PDYN: variants seen among roughly 807,000 people sequenced by gnomAD.
PDYN encodes the protein proenkephalin-B.
In PDYN, 5 loss-of-function variants were observed where a neutral mutation model predicts 11.4. The ratio of observed to expected loss-of-function variants is 0.44; its 90% CI spans 0.23 to 0.92. PDYN has a LOEUF of 0.92. PDYN is among the 40% of genes least tolerant of loss of function. The pLI is 0.24. For synonymous variants in PDYN, 132 were observed against 129.5 expected, an observed-to-expected ratio of 1.02 and a Z score of -0.13; for missense variants, 337 against 317.3, an observed-to-expected ratio of 1.06 and a Z score of -0.47.
chr20:1,982,506 A>G (rs1480831271), intron 3 of PDYN, among the ~76,000 whole-genome samples: 1 of 152,126 alleles, frequency 6.6e-6, no homozygotes, highest in Non-Finnish European at 1.5e-5. Flanking sequence ...AAGAGGTGCT[A>G]AGGCCCAGGA....
chr20:1,983,271 A>G (rs2122341218), intron 2 of PDYN, among the ~76,000 whole-genome samples, 168 bp from the exon 3 acceptor site: 1 of 152,308 alleles, frequency 6.6e-6, no homozygotes, highest in East Asian at 1.9e-4. Context: ...GCAGAGGCCC[A>G]AAGCCAAGGG....
At chr20:1,980,991 A>C (rs1987741177) in intron 3 of PDYN, 33 bp from the exon 4 acceptor site, 2 of 1,612,414 alleles carry the variant, frequency 1.2e-6, no homozygotes, top group African/African-American at 2.7e-5. Context: ...ACAGTGGCAA[A>C]TGATCAAAAC....
At position 1,980,878 on chromosome 20, in the gene PDYN, G is replaced by A. The variant is rs554270168; in HGVS notation, c.210C>T (p.Thr70=). The change falls in exon 4 of 4, where the codon ACC becomes ACT. Residue 70 remains threonine (T), a synonymous_variant. Transcript: ENST00000217305. ...TGTCATTGAGCCCAAGGGTGGAGGG[G>A]GTGAAAAAAGACAGAAAGCTCTGGC... ...ERCQSFLSFF[T]PSTLGLNDKE... 3.7e-6 allele frequency: 6 copies of A among 1,614,106 alleles called. No individual in the cohort carries two copies. The highest frequency in any genetic ancestry group is 1.1e-5 in the South Asian group (1 of 91,076).
intron 2 of PDYN, among the ~76,000 whole-genome samples, chr20:1,985,191 G>A (rs987624419): frequency 8.6e-5 from 13 of 152,008 alleles, no homozygotes; most frequent in Admixed American, 7.2e-4. Flanking sequence ...TCCACTCCAC[G>A]GGCCCCAGAA....
At chr20:1,987,988 C>CA (rs1036947682) in intron 2 of PDYN, among the ~76,000 whole-genome samples, 4 of 152,132 alleles carry the variant, frequency 2.6e-5, no homozygotes, top group African/African-American at 9.7e-5. Flanking sequence ...ACTGCAGAAA[C>CA]AAAAAATGCT....
chr20:1,985,360 A>G (rs1444906907), intron 2 of PDYN, among the ~76,000 whole-genome samples: 4 of 151,524 alleles, frequency 2.6e-5, no homozygotes, highest in African/African-American at 9.7e-5. Flanking sequence ...GGAAGCGGGC[A>G]CTTCTGGTCT....
chr20:1,986,759 A>G (rs1487697207), intron 2 of PDYN, among the ~76,000 whole-genome samples: 2 of 152,248 alleles, frequency 1.3e-5, no homozygotes, highest in African/African-American at 4.8e-5. Context: ...AGTTCTGCCC[A>G]TCCTGGGCTT....
chr20:1,990,593 G>A (rs1022457943), intron 2 of PDYN, among the ~76,000 whole-genome samples: 4 of 152,170 alleles, frequency 2.6e-5, no homozygotes, highest in African/African-American at 4.8e-5. Flanking sequence ...TTTGGTGGTC[G>A]GCTGCATTTG....
chr20:1,982,356 G>A (rs1211830180), intron 3 of PDYN, among the ~76,000 whole-genome samples: 1 of 152,212 alleles, frequency 6.6e-6, no homozygotes, highest in Non-Finnish European at 1.5e-5. Context: ...GGAGTTCCAA[G>A]GTCATGGAGC....
intron 2 of PDYN, among the ~76,000 whole-genome samples, chr20:1,985,400 G>T (rs1377519140): frequency 6.6e-6 from 1 of 152,084 alleles, no homozygotes; most frequent in Non-Finnish European, 1.5e-5. Flanking sequence ...ACCTCGAATA[G>T]TGAAGCTGGG....
rs1429991505 is a variant in PDYN, at chr20:1,981,467, A to C, written c.130-509T>G. 3.3e-5 allele frequency among the ~76,000 whole-genome samples: 5 copies of C among 152,306 alleles called. No individual in the cohort carries two copies. The East Asian group carries it at 9.7e-4, about 29-fold the overall frequency. On this transcript the variant is annotated intron_variant, in intron 3 of 3. Coordinates refer to ENST00000217305, the MANE Select transcript of PDYN (RefSeq NM_024411.5). ...GGCATCACTTCATAGGGCCATTGGGAGCATTCAATCATAATGACGATGACA... is the reference window on the plus strand; with the variant it reads ...GGCATCACTTCATAGGGCCATTGGGCGCATTCAATCATAATGACGATGACA...
At chr20:1,988,664 C>T (rs1428982429) in intron 2 of PDYN, among the ~76,000 whole-genome samples, 1 of 152,206 alleles carries the variant, frequency 6.6e-6, no homozygotes, top group Non-Finnish European at 1.5e-5. Flanking sequence ...GCCAAGGACC[C>T]GGAGGCCACA....
At chr20:1,989,403 G>A (rs929703826) in intron 2 of PDYN, among the ~76,000 whole-genome samples, 103 of 152,218 alleles carry the variant, frequency 6.8e-4, no homozygotes, top group African/African-American at 2.4e-3. Flanking sequence ...TCCTCCACAA[G>A]CCTCAGTCTT....
intron 3 of PDYN, among the ~76,000 whole-genome samples, chr20:1,982,148 T>C (rs2122328660): frequency 6.6e-6 from 1 of 151,778 alleles, no homozygotes; most frequent in African/African-American, 2.4e-5. Context: ...TCCCAGCCAC[T>C]CGGGAGGCTG....
intron 2 of PDYN, among the ~76,000 whole-genome samples, chr20:1,985,964 C>T (rs1399075548): frequency 6.6e-6 from 1 of 152,212 alleles, no homozygotes; most frequent in Non-Finnish European, 1.5e-5. Flanking sequence ...AGGCTTCCCA[C>T]ACAGCTTAGC....
At chr20:1,981,527 C>G (rs1987789873) in intron 3 of PDYN, among the ~76,000 whole-genome samples, 1 of 152,096 alleles carries the variant, frequency 6.6e-6, no homozygotes, top group Admixed American at 6.5e-5. Context: ...CCCAGGCCGT[C>G]CAGTGCCATG....
rs201655505 is a variant in PDYN at position 1,980,444 on chromosome 20, C to A, written c.644G>T (p.Arg215Leu). 3 of 1,614,176 alleles carry A rather than the reference C, an allele frequency of 1.9e-6. No individual in the cohort carries two copies. The highest frequency in any genetic ancestry group is 2.5e-6 in the Non-Finnish European group (3 of 1,180,034). The stretch of plus-strand genomic sequence containing the variant: ...CTGGTTGTCCCACTTGAGCTTGGGA[C>A]GAATGCGCCGCAAGAAGCCCCCATA... Reference protein sequence around the residue: ...KRYGGFLRRIRPKLKWDNQKR... With the variant: ...KRYGGFLRRILPKLKWDNQKR... Residue 215 changes from arginine to leucine, a missense_variant, in exon 4 of 4, where the codon CGT becomes CTT. By Grantham distance (102) the Arg-to-Leu change is moderately radical (BLOSUM62 -2). Transcript: ENST00000217305.
chr20:1,985,810 A>G (rs1311748327), intron 2 of PDYN, among the ~76,000 whole-genome samples: 1 of 152,130 alleles, frequency 6.6e-6, no homozygotes. Flanking sequence ...AGTGGATTAC[A>G]GTTCCCCACC....
Position 1,980,503 on chromosome 20 carries a change from C to G in PDYN, c.585G>C (p.Gly195=). The part of the protein sequence containing the change: ...RSSEVAGEGD[G]DSMGHEDLYK... ...ACAGGTCCTCATGGCCCATGCTATC[C>G]CCGTCCCCCTCCCCAGCCACCTCTG... Residue 195 remains glycine (G), a synonymous_variant, in exon 4 of 4, where the codon GGG becomes GGC. Coordinates refer to ENST00000217305, the MANE Select transcript of PDYN (RefSeq NM_024411.5). The G allele has an allele frequency of 6.2e-7, 1 of 1,612,860 alleles. No individual in the cohort carries two copies. The highest frequency in any genetic ancestry group is 8.5e-7 in the Non-Finnish European group (1 of 1,179,226).
Sources: gnomAD v4.1 joint callset for allele counts (sites outside exome capture counted in the v4.1 genomes callset) on GRCh38, gnomAD v4.1.1 for gene constraint, MANE v1.5 for transcripts, NCBI Gene and HGNC (gene_info 2026-07-23, HGNC 2026-07-21) for gene names.